CACNG8: variants seen among roughly 807,000 people sequenced by gnomAD.
CACNG8 encodes the protein calcium voltage-gated channel auxiliary subunit gamma 8.
In CACNG8, 5 loss-of-function variants were observed where a neutral mutation model predicts 26.9. That is an observed-to-expected ratio of 0.19 (90% confidence interval 0.10 to 0.39). The LOEUF is 0.39. Ranked by LOEUF, CACNG8 falls within the 10% of genes least tolerant of loss-of-function variation. The probability of loss-of-function intolerance (pLI) is 1.00; values close to 1 mark genes in which losing one functional copy is unlikely to be tolerated. For synonymous variants in CACNG8, 321 were observed against 296.7 expected (o/e 1.08, Z -0.84); for missense variants, 473 against 609.4 (o/e 0.78, Z 2.36).
rs1183705991 is a variant in CACNG8, at chr19:53,982,015, G to C, written c.509-65G>C. 12 of 1,487,640 alleles carry C rather than the reference G, an allele frequency of 8.1e-6. No individual in the cohort carries two copies. The highest frequency in any genetic ancestry group is 1.1e-5 in the Non-Finnish European group (12 of 1,125,108). The allele number at this position is 1,487,640 out of a possible 1,614,324, so 92.2% of individuals were successfully genotyped here. On this transcript the variant is annotated intron_variant, in intron 3 of 3. Transcript: ENST00000270458. The surrounding 1 kb of genome is among the most constrained non-coding windows in gnomAD (Gnocchi z 8.4). ...CCGCTGGCGCAGGCGGGCAGGGGTCGGGGCCGGGGGCGGGGGCGGGGCCGG... is the reference window on the plus strand; with the variant it reads ...CCGCTGGCGCAGGCGGGCAGGGGTCCGGGCCGGGGGCGGGGGCGGGGCCGG...
At chr19:53,978,091 C>T in intron 1 of CACNG8, 55 bp from the exon 2 acceptor site, 1 of 1,254,604 alleles carries the variant, frequency 8.0e-7, no homozygotes, top group Non-Finnish European at 1.2e-6. Context: ...GTGGGGTTGC[C>T]CCGCCCCCAA....
intron 1 of CACNG8, among the ~76,000 whole-genome samples, 184 bp from the exon 2 acceptor site, chr19:53,977,962 A>C (rs2069339836): frequency 6.6e-6 from 1 of 152,160 alleles, no homozygotes; most frequent in Admixed American, 6.5e-5. Flanking sequence ...GCGGGGAAAC[A>C]GACCAGAGAA....
intron 2 of CACNG8, among the ~76,000 whole-genome samples, chr19:53,978,858 C>T (rs55647910): frequency 0.02 from 2,569 of 125,642 alleles, 100 homozygotes; most frequent in African/African-American, 0.074. Context: ...GAAGTCAGGC[C>T]TAAAGGGGGT....
chr19:53,982,666 C>T lies in CACNG8; in HGVS notation c.1095C>T (p.Phe365=), dbSNP rs2069379640. The T allele has an allele frequency of 3.5e-5, 38 of 1,090,056 alleles. No homozygotes were observed. The highest frequency in any genetic ancestry group is 4.1e-5 in the Non-Finnish European group (37 of 899,680). 67.5% of individuals were successfully genotyped at this position (1,090,056 alleles called of 1,614,324 possible). Residue 365 remains phenylalanine, a synonymous_variant, in exon 4 of 4, where the codon TTC becomes TTT. Coordinates refer to ENST00000270458, the MANE Select transcript of CACNG8 (RefSeq NM_031895.6). The surrounding 1 kb of genome is among the most constrained non-coding windows in gnomAD (Gnocchi z 8.4). ...GGGACCGCGGGGGGGCGTCCGGCTTCCTCACGCTGCACAACGCCTTCCCCA... is the reference window on the plus strand; with the variant it reads ...GGGACCGCGGGGGGGCGTCCGGCTTTCTCACGCTGCACAACGCCTTCCCCA...
At position 53,989,336 on chromosome 19, in the gene CACNG8, AAGG is replaced by A. The variant is rs1051430823; in HGVS notation, c.*6496_*6498del. ...AGAAGGTGATACAGAGAAGACAGAA[AAGG>A]AGGAGGAGAGAGACTGACAGGTACA... On this transcript the variant is annotated 3_prime_UTR_variant, in exon 4 of 4. Coordinates refer to ENST00000270458, the MANE Select transcript of CACNG8 (RefSeq NM_031895.6). The A allele has an allele frequency of 6.6e-6, 1 of 152,568 alleles. No homozygotes were observed. The highest frequency in any genetic ancestry group is 1.5e-5 in the Non-Finnish European group (1 of 68,110). 9.5% of individuals were successfully genotyped at this position (152,568 alleles called of 1,614,324 possible).
intron 1 of CACNG8, among the ~76,000 whole-genome samples, chr19:53,977,082 C>T (rs977716711): frequency 6.6e-6 from 1 of 152,220 alleles, no homozygotes; most frequent in African/African-American, 2.4e-5. Context: ...GAACTCTCAG[C>T]TTACCGAGGA....
chr19:53,982,584 G>C lies in CACNG8; in HGVS notation c.1013G>C (p.Gly338Ala), dbSNP rs1178804182. The change falls in exon 4 of 4, where the codon GGC becomes GCC. Residue 338 changes from glycine (G) to alanine (A), a missense_variant. This residue lies in a region of CACNG8 where 212 missense variants were observed against 214.4 expected (regional missense o/e 0.99). Transcript: ENST00000270458. The surrounding 1 kb of genome is among the most constrained non-coding windows in gnomAD (Gnocchi z 8.4). ...GGCGGCGCCGTGGGGGCGTTCGGCGGCGCGGCCGGGGGCGCCGGGGGCGGC... is the reference window on the plus strand; with the variant it reads ...GGCGGCGCCGTGGGGGCGTTCGGCGCCGCGGCCGGGGGCGCCGGGGGCGGC... 4 of 976,086 alleles carry C rather than the reference G, an allele frequency of 4.1e-6. No homozygotes were observed. In the African/African-American group the frequency reaches 7.1e-5, roughly 17 times the overall value. 60.5% of individuals were successfully genotyped at this position (976,086 alleles called of 1,614,324 possible). A position where few individuals can be genotyped will look rare whatever the true frequency, so the allele number is the denominator to read the frequency against.
At chr19:53,972,880 G>C (rs1396633035) in intron 1 of CACNG8, among the ~76,000 whole-genome samples, 2 of 152,046 alleles carry the variant, frequency 1.3e-5, no homozygotes, top group Admixed American at 6.6e-5. Flanking sequence ...TAAATATGCT[G>C]AACTCCCAAA....
intron 1 of CACNG8, among the ~76,000 whole-genome samples, chr19:53,974,621 T>TTTTATTTA: frequency 6.6e-6 from 1 of 150,800 alleles, no homozygotes; most frequent in South Asian, 2.1e-4. Flanking sequence ...ACACGTGTTA[T>TTTTATTTA]TTTATTTATT....
chr19:53,966,330 G>A (rs2145932612), intron 1 of CACNG8, among the ~76,000 whole-genome samples: 1 of 151,950 alleles, frequency 6.6e-6, no homozygotes, highest in East Asian at 1.9e-4. Flanking sequence ...TCAAGTGATT[G>A]GCCCGCCTAG....
intron 3 of CACNG8, among the ~76,000 whole-genome samples, chr19:53,980,338 G>T (rs1200984316): frequency 1.3e-5 from 2 of 152,146 alleles, no homozygotes; most frequent in Non-Finnish European, 2.9e-5. Context: ...GAGCTGGGGA[G>T]GGGGTGGGAC....
chr19:53,973,147 G>A (rs538497736), intron 1 of CACNG8, among the ~76,000 whole-genome samples: 2 of 152,266 alleles, frequency 1.3e-5, no homozygotes, highest in African/African-American at 4.8e-5. Context: ...TCAGCAATCC[G>A]GTGTGCCATG....
At position 53,982,407 on chromosome 19, in the gene CACNG8, G is replaced by A. The variant is rs755124717; in HGVS notation, c.836G>A (p.Arg279His). ...CGCCGCCGCTCCCGCTCTAGCTCCC[G>A]CTCCAGCGAGCCGTCGCCGTCGCGG... Residue 279 changes from arginine (R) to histidine (H), a missense_variant, in exon 4 of 4, where the codon CGC becomes CAC. Around this residue, in one of 6 missense-constraint regions of CACNG8, gnomAD observed 212 missense variants for 214.4 expected, o/e 0.99. Transcript: ENST00000270458. This position sits in a 1 kb window ranked among gnomAD's most constrained non-coding sequence, Gnocchi z 8.4. 1 of 1,522,514 alleles carries A rather than the reference G, an allele frequency of 6.6e-7. No homozygotes were observed. Among genetic ancestry groups the A allele is most frequent in the South Asian group, 1.2e-5 (1 of 82,414 alleles). 94.3% of individuals were successfully genotyped at this position (1,522,514 alleles called of 1,614,324 possible). A position where few individuals can be genotyped will look rare whatever the true frequency, so the allele number is the denominator to read the frequency against.
In CACNG8 at chr19:53,985,182, T is replaced by C. The variant is rs1003130644; in HGVS notation, c.*2333T>C. On this transcript the variant is annotated 3_prime_UTR_variant, in exon 4 of 4. Coordinates refer to ENST00000270458, the MANE Select transcript of CACNG8 (RefSeq NM_031895.6). ...TCCCCCGAAGCCTTGTGCTGGGCGGTGCTGGGAGTGGAGAGGTGATTTTGA... is the reference window on the plus strand; with the variant it reads ...TCCCCCGAAGCCTTGTGCTGGGCGGCGCTGGGAGTGGAGAGGTGATTTTGA... 6.6e-6 allele frequency: 1 copy of C among 152,220 alleles called. No homozygotes were observed. Among genetic ancestry groups the C allele is most frequent in the Admixed American group, 6.6e-5 (1 of 15,260 alleles). The allele number at this position is 152,220 out of a possible 1,614,324, so 9.4% of individuals were successfully genotyped here.
In CACNG8 at chr19:53,982,588, G is replaced by GGCCGGGGGC. The variant is rs934061036; in HGVS notation, c.1028_1036dup (p.Ala343_Gly345dup). ...GCGCCGTGGGGGCGTTCGGCGGCGC[G>GGCCGGGGGC]GCCGGGGGCGCCGGGGGCGGCGGCG... On this transcript the variant is annotated inframe_insertion, in exon 4 of 4. Transcript: ENST00000270458. This position sits in a 1 kb window ranked among gnomAD's most constrained non-coding sequence, Gnocchi z 8.4. 3.1e-6 allele frequency: 3 copies of GGCCGGGGGC among 975,208 alleles called. No homozygotes were observed. The highest frequency in any genetic ancestry group is 6.4e-5 in the Admixed American group (1 of 15,722). The allele number at this position is 975,208 out of a possible 1,614,324, so 60.4% of individuals were successfully genotyped here.
At chr19:53,978,041 G>A (rs769046264) in intron 1 of CACNG8, 105 bp from the exon 2 acceptor site, 1 of 740,034 alleles carries the variant, frequency 1.4e-6, no homozygotes, top group Non-Finnish European at 2.4e-6. Flanking sequence ...AAGCAGCCCA[G>A]AGAGAGAAGG....
At position 53,983,303 on chromosome 19, in the gene CACNG8, T is replaced by TGCAGAAAG. The variant is rs1248898820; in HGVS notation, c.*463_*470dup. Reference sequence around the variant, plus strand: ...TATATAAAGAGACACAGCGAAGGGATGCAGAAAGGCAGAAAGAAGGGTTGG... The same window carrying TGCAGAAAG: ...TATATAAAGAGACACAGCGAAGGGATGCAGAAAGGCAGAAAGGCAGAAAGAAGGGTTGG... On this transcript the variant is annotated 3_prime_UTR_variant, in exon 4 of 4. Coordinates refer to ENST00000270458, the MANE Select transcript of CACNG8 (RefSeq NM_031895.6). 1 of 152,196 alleles carries TGCAGAAAG rather than the reference T, an allele frequency of 6.6e-6. No homozygotes were observed. Among genetic ancestry groups the TGCAGAAAG allele is most frequent in the Non-Finnish European group, 1.5e-5 (1 of 68,084 alleles). 9.4% of individuals were successfully genotyped at this position (152,196 alleles called of 1,614,324 possible). A position where few individuals can be genotyped will look rare whatever the true frequency, so the allele number is the denominator to read the frequency against.
In CACNG8 at chr19:53,985,055, G is replaced by A. The variant is rs562941693; in HGVS notation, c.*2206G>A. ...AGCTGCGCGGGGGCAAGGGCTGTGC[G>A]GTGATTGGAGGGGATGGGTTTGAAG... On this transcript the variant is annotated 3_prime_UTR_variant, in exon 4 of 4. Coordinates refer to ENST00000270458, the MANE Select transcript of CACNG8 (RefSeq NM_031895.6). The A allele has an allele frequency of 1.6e-4, 24 of 152,556 alleles. No individual in the cohort carries two copies. The highest frequency in any genetic ancestry group is 2.1e-4 in the Non-Finnish European group (14 of 68,126). 9.5% of individuals were successfully genotyped at this position (152,556 alleles called of 1,614,324 possible).
In CACNG8 at chr19:53,985,166, G is replaced by A. The variant is rs1020466278; in HGVS notation, c.*2317G>A. The A allele has an allele frequency of 2.0e-5, 3 of 152,278 alleles. No individual in the cohort carries two copies. Among genetic ancestry groups the A allele is most frequent in the African/African-American group, 7.2e-5 (3 of 41,442 alleles). 9.4% of individuals were successfully genotyped at this position (152,278 alleles called of 1,614,324 possible). ...AGTGTTTCCTGAGGCCTCCCCCGAA[G>A]CCTTGTGCTGGGCGGTGCTGGGAGT... On this transcript the variant is annotated 3_prime_UTR_variant, in exon 4 of 4. Coordinates refer to ENST00000270458, the MANE Select transcript of CACNG8 (RefSeq NM_031895.6).
Sources: allele counts gnomAD v4.1 joint callset (sites outside exome capture counted in the v4.1 genomes callset), GRCh38; gene constraint gnomAD v4.1.1; regional missense constraint gnomAD v4.1.1; non-coding constraint Gnocchi (gnomAD v3.1); transcripts MANE v1.5; gene names NCBI Gene and HGNC (gene_info 2026-07-23, HGNC 2026-07-21).